SLIT3: variants seen among roughly 807,000 people sequenced by gnomAD.
SLIT3 encodes the protein slit homolog 3 protein.
In SLIT3, 68 loss-of-function variants were observed where a neutral mutation model predicts 184.0. The observed-to-expected ratio is 0.37, with a 90% confidence interval of 0.30 to 0.45. The LOEUF (loss-of-function observed/expected upper bound fraction) is 0.45, where lower values mean the gene tolerates loss of function less well. Among genes scored for constraint, SLIT3 ranks in the 20% least tolerant of loss-of-function variants. The pLI, the probability that SLIT3 is intolerant of heterozygous loss-of-function variation, is 1.00. For missense variants in SLIT3, 1,707 were observed against 2,026.0 expected, an observed-to-expected ratio of 0.84 and a Z score of 3.02; for synonymous variants, 831 against 828.6, an observed-to-expected ratio of 1.00 and a Z score of -0.05.
At chr5:168,805,397 T>C (rs1756920196) in intron 9 of SLIT3, among the ~76,000 whole-genome samples, 1 of 152,160 alleles carries the variant, frequency 6.6e-6, no homozygotes, top group African/African-American at 2.4e-5. Context: ...AAGGGGAATA[T>C]GTATCTTTTA....
Position 168,955,401 on chromosome 5 carries a change from GCTCCCCACTCTCC to G in SLIT3, c.414-72078_414-72066del, listed in dbSNP as rs779011662. On this transcript the variant is annotated intron_variant, in intron 4 of 35. Coordinates refer to ENST00000519560, the MANE Select transcript of SLIT3 (RefSeq NM_003062.4). ...GAATATTAATGGTTAGGACTCAATT[GCTCCCCACTCTCC>G]CTCCCCACAGCTCTGCTTCTCCTCT... Among the ~76,000 whole-genome samples, 83 of 152,256 alleles carry G rather than the reference GCTCCCCACTCTCC, an allele frequency of 5.5e-4. 1 individual carries two copies. The highest frequency in any genetic ancestry group is 6.8e-3 in the Middle Eastern group (2 of 294).
intron 4 of SLIT3, among the ~76,000 whole-genome samples, chr5:169,152,089 T>C (rs895955495): frequency 6.6e-6 from 1 of 152,218 alleles, no homozygotes; most frequent in Non-Finnish European, 1.5e-5. Context: ...AGTAGATGAA[T>C]GTTTCCTTGA....
intron 4 of SLIT3, among the ~76,000 whole-genome samples, chr5:168,949,521 C>G (rs1434857229): frequency 6.6e-6 from 1 of 152,180 alleles, no homozygotes; most frequent in African/African-American, 2.4e-5. Context: ...ACTAGATACA[C>G]AAGGCCAAAA....
intron 9 of SLIT3, among the ~76,000 whole-genome samples, chr5:168,805,341 G>A (rs907521249): frequency 1.3e-5 from 2 of 152,072 alleles, no homozygotes; most frequent in African/African-American, 2.4e-5. Context: ...GGAGGAGGAA[G>A]AGGAGGAAAG....
rs151267491 is a variant in SLIT3, at chr5:168,776,181, G to A, written c.1152-1803C>T. The stretch of plus-strand genomic sequence containing the variant: ...CAGGGGGTCTGCAGTTGGCAACGGT[G>A]GGGCTGCCCATGGTGCTAAATCATC... On this transcript the variant is annotated intron_variant, in intron 12 of 35. Coordinates refer to ENST00000519560, the MANE Select transcript of SLIT3 (RefSeq NM_003062.4). 1.1e-4 allele frequency among the ~76,000 whole-genome samples: 17 copies of A among 152,314 alleles called. No individual in the cohort carries two copies. In the East Asian group the frequency reaches 3.3e-3, roughly 29 times the overall value.
At chr5:168,667,067 A>G (rs752598616) in intron 35 of SLIT3, among the ~76,000 whole-genome samples, 2 of 152,176 alleles carry the variant, frequency 1.3e-5, no homozygotes, top group African/African-American at 2.4e-5. Flanking sequence ...TTAAATGTCA[A>G]CATTCAAAAA....
intron 27 of SLIT3, among the ~76,000 whole-genome samples, chr5:168,697,842 TC>T (rs1488712043): frequency 2.0e-5 from 3 of 152,204 alleles, no homozygotes; most frequent in Non-Finnish European, 4.4e-5. Flanking sequence ...TTTCTGAAAG[TC>T]CTAAACCATG....
intron 11 of SLIT3, among the ~76,000 whole-genome samples, chr5:168,787,213 G>A (rs1175339348): frequency 6.6e-6 from 1 of 152,228 alleles, no homozygotes. Context: ...ACCGCTCACT[G>A]TGCCAAATGC....
At chr5:168,930,223 C>G (rs766692076) in intron 4 of SLIT3, among the ~76,000 whole-genome samples, 1 of 152,080 alleles carries the variant, frequency 6.6e-6, no homozygotes, top group South Asian at 2.1e-4. Context: ...CCCCATGGCC[C>G]GCATTTTTGC....
Position 169,222,522 on chromosome 5 carries a change from A to G in SLIT3, c.341+22183T>C, listed in dbSNP as rs1009970291. On this transcript the variant is annotated intron_variant, in intron 3 of 35. Coordinates refer to ENST00000519560, the MANE Select transcript of SLIT3 (RefSeq NM_003062.4). ...TACTTGTCAGGATTGTGATGAAAGAAAAAAAAGATAGTTCAGGATCTAATC... is the reference window on the plus strand; with the variant it reads ...TACTTGTCAGGATTGTGATGAAAGAGAAAAAAGATAGTTCAGGATCTAATC... Among the ~76,000 whole-genome samples, 5 of 152,184 alleles carry G rather than the reference A, an allele frequency of 3.3e-5. No homozygotes were observed. In the South Asian group the frequency reaches 6.2e-4, roughly 19 times the overall value.
At chr5:168,764,841 C>T (rs369189722) in intron 14 of SLIT3, among the ~76,000 whole-genome samples, 4 of 152,200 alleles carry the variant, frequency 2.6e-5, no homozygotes, top group African/African-American at 9.7e-5. Flanking sequence ...TTATGCAAAT[C>T]TCCTGCCCTT....
At chr5:169,285,929 CGACGTAGA>C (rs1431879849) in intron 1 of SLIT3, among the ~76,000 whole-genome samples, 1 of 152,176 alleles carries the variant, frequency 6.6e-6, no homozygotes, top group Non-Finnish European at 1.5e-5. Context: ...TACTGCACTA[CGACGTAGA>C]GAATCATTGA....
intron 3 of SLIT3, among the ~76,000 whole-genome samples, chr5:169,238,256 A>G (rs1765267683): frequency 6.6e-6 from 1 of 151,914 alleles, no homozygotes; most frequent in African/African-American, 2.4e-5. Context: ...CAAATCCTAC[A>G]TTTCTCTTAT....
intron 3 of SLIT3, among the ~76,000 whole-genome samples, chr5:169,234,483 C>G (rs1315178906): frequency 6.6e-6 from 1 of 152,120 alleles, no homozygotes; most frequent in African/African-American, 2.4e-5. Flanking sequence ...CTTGGCTCAC[C>G]TCAACCTCCA....
intron 20 of SLIT3, among the ~76,000 whole-genome samples, chr5:168,737,085 G>T (rs1319370131): frequency 6.6e-6 from 1 of 152,134 alleles, no homozygotes. Flanking sequence ...GGACATTCTT[G>T]CTTGCTTTCT....
At chr5:168,703,460 C>T (rs1484763669) in intron 26 of SLIT3, among the ~76,000 whole-genome samples, 3 of 152,128 alleles carry the variant, frequency 2.0e-5, no homozygotes, top group African/African-American at 7.2e-5. Context: ...GTTAGATTCT[C>T]ATAGGAGCAC....
intron 9 of SLIT3, among the ~76,000 whole-genome samples, chr5:168,796,962 G>A (rs1009223802): frequency 5.3e-5 from 8 of 151,730 alleles, no homozygotes; most frequent in African/African-American, 1.9e-4. Context: ...AGGAGAGAGG[G>A]AGTATCAGGA....
intron 4 of SLIT3, among the ~76,000 whole-genome samples, chr5:168,991,993 T>C (rs1353712418): frequency 6.6e-6 from 1 of 152,134 alleles, no homozygotes; most frequent in Non-Finnish European, 1.5e-5. Context: ...TAAACAGCAA[T>C]ATAAAAGGGC....
chr5:168,911,105 C>T (rs1397237129), intron 4 of SLIT3, among the ~76,000 whole-genome samples: 1 of 152,166 alleles, frequency 6.6e-6, no homozygotes, highest in Non-Finnish European at 1.5e-5. Flanking sequence ...CCTCTCTCTG[C>T]CTGTAACTCT....
Sources: gnomAD v4.1 joint callset for allele counts (sites outside exome capture counted in the v4.1 genomes callset) on GRCh38, gnomAD v4.1.1 for gene constraint, MANE v1.5 for transcripts, NCBI Gene and HGNC (gene_info 2026-07-23, HGNC 2026-07-21) for gene names.